DDX4: variants seen among roughly 807,000 people sequenced by gnomAD.
DDX4 encodes the protein DEAD-box helicase 4.
Under a neutral mutation model 100.0 loss-of-function variants are expected in DDX4, and 25 were observed. The observed-to-expected ratio is 0.25, with a 90% CI of 0.18 to 0.35. The LOEUF (loss-of-function observed/expected upper bound fraction) is 0.35, where lower values mean the gene tolerates loss of function less well. DDX4 is among the 10% of genes least tolerant of loss of function. The pLI, the probability that DDX4 is intolerant of heterozygous loss-of-function variation, is 1.00. For missense variants in DDX4, 635 were observed against 882.4 expected (o/e 0.72, Z 3.55); for synonymous variants, 259 against 275.7 (o/e 0.94, Z 0.60).
chr5:55,774,490 C>G (rs1741444394), intron 7 of DDX4, among the ~76,000 whole-genome samples: 1 of 152,112 alleles, frequency 6.6e-6, no homozygotes, highest in Non-Finnish European at 1.5e-5. Flanking sequence ...TGTCTTTTCC[C>G]TTTCTTGATA....
intron 18 of DDX4, among the ~76,000 whole-genome samples, chr5:55,808,532 A>G (rs1743899454): frequency 6.6e-6 from 1 of 152,180 alleles, no homozygotes; most frequent in African/African-American, 2.4e-5. Context: ...TTTTCCTTCT[A>G]ACAGTCAGCA....
At chr5:55,750,566 C>T (rs367990675) in intron 3 of DDX4, among the ~76,000 whole-genome samples, 2 of 152,142 alleles carry the variant, frequency 1.3e-5, no homozygotes, top group African/African-American at 4.8e-5. Context: ...CCCAAATCTT[C>T]CAACGTGATC....
At chr5:55,801,475 G>T (rs1359094250) in intron 18 of DDX4, among the ~76,000 whole-genome samples, 1 of 152,110 alleles carries the variant, frequency 6.6e-6, no homozygotes, top group Non-Finnish European at 1.5e-5. Flanking sequence ...AGAATCATTG[G>T]CATTGCTATC....
At chr5:55,794,244 A>G (rs1206498027) in intron 17 of DDX4, among the ~76,000 whole-genome samples, 2 of 150,742 alleles carry the variant, frequency 1.3e-5, no homozygotes, top group East Asian at 2.0e-4. Context: ...CTGGAGTGCA[A>G]TGGCGCGATC....
chr5:55,797,332 G>A (rs1743026212), intron 17 of DDX4, among the ~76,000 whole-genome samples: 1 of 152,036 alleles, frequency 6.6e-6, no homozygotes, highest in South Asian at 2.1e-4. Flanking sequence ...GGATCTCATA[G>A]GCTAACACCA....
intron 17 of DDX4, 150 bp from the exon 18 acceptor site, chr5:55,798,276 T>A: frequency 1.3e-6 from 1 of 763,896 alleles, no homozygotes; most frequent in Non-Finnish European, 2.0e-6. Flanking sequence ...TTCACAATAG[T>A]ACTTGGGTGA....
At chr5:55,788,217 A>G (rs550301475) in intron 15 of DDX4, among the ~76,000 whole-genome samples, 5 of 152,296 alleles carry the variant, frequency 3.3e-5, no homozygotes, top group African/African-American at 7.2e-5. Context: ...GCTCATGACT[A>G]TAATCCCAGT....
chr5:55,747,619 TCAG>T (rs917021902), intron 3 of DDX4, among the ~76,000 whole-genome samples: 1 of 152,192 alleles, frequency 6.6e-6, no homozygotes, highest in Non-Finnish European at 1.5e-5. Context: ...TGTGTACAGT[TCAG>T]CAGCATTCAG....
At position 55,803,371 on chromosome 5, in the gene DDX4, A is replaced by T. The variant is rs528185975; in HGVS notation, c.1615+4800A>T. 2.7e-3 allele frequency among the ~76,000 whole-genome samples: 413 copies of T among 150,228 alleles called. 1 individual carries two copies. Among genetic ancestry groups the T allele is most frequent in the Non-Finnish European group, 3.9e-3 (265 of 67,630 alleles). On this transcript the variant is annotated intron_variant, in intron 18 of 21. Transcript: ENST00000505374. ...TTAAGTTTTAGGGTACATGTGCACAATGTGCAGGTTAGTTACATATGTATA... is the reference window on the plus strand; with the variant it reads ...TTAAGTTTTAGGGTACATGTGCACATTGTGCAGGTTAGTTACATATGTATA...
At position 55,816,566 on chromosome 5, in the gene DDX4, G is replaced by A; in HGVS notation, c.*26G>A. On this transcript the variant is annotated 3_prime_UTR_variant, in exon 22 of 22. Coordinates refer to ENST00000505374, the MANE Select transcript of DDX4 (RefSeq NM_024415.3). ...AGCCAAAACATCCTTCAAGTCTGTG[G>A]TTTTGATGCAGAGAAGAAAATAGTT... 1.2e-6 allele frequency: 2 copies of A among 1,602,412 alleles called. No homozygotes were observed. Among genetic ancestry groups the A allele is most frequent in the Non-Finnish European group, 1.7e-6 (2 of 1,176,144 alleles).
At chr5:55,784,772 G>C (rs1490356051) in intron 10 of DDX4, among the ~76,000 whole-genome samples, 1 of 152,222 alleles carries the variant, frequency 6.6e-6, no homozygotes, top group African/African-American at 2.4e-5. Flanking sequence ...CTCTGGTAGA[G>C]TTTACATGTG....
chr5:55,786,204 C>T (rs1371128566), intron 13 of DDX4, among the ~76,000 whole-genome samples: 1 of 152,156 alleles, frequency 6.6e-6, no homozygotes, highest in African/African-American at 2.4e-5. Flanking sequence ...GGGGAGCCCT[C>T]TGTCTCCTAT....
intron 10 of DDX4, among the ~76,000 whole-genome samples, chr5:55,784,692 A>ATTATTACCTT (rs576388088): frequency 1.2e-3 from 177 of 152,342 alleles, no homozygotes; most frequent in African/African-American, 3.9e-3. Context: ...GAAGGTGAGT[A>ATTATTACCTT]CATTATTAGC....
At chr5:55,743,736 G>A (rs1759106103) in intron 2 of DDX4, among the ~76,000 whole-genome samples, 1 of 152,048 alleles carries the variant, frequency 6.6e-6, no homozygotes, top group Non-Finnish European at 1.5e-5. Context: ...AACCAGTTAA[G>A]CTTTTTTAAT....
chr5:55,768,939 A>G (rs1298638047), intron 7 of DDX4, among the ~76,000 whole-genome samples: 1 of 152,076 alleles, frequency 6.6e-6, no homozygotes, highest in African/African-American at 2.4e-5. Flanking sequence ...AAACGTGCCC[A>G]TGTCCATTGT....
intron 17 of DDX4, among the ~76,000 whole-genome samples, chr5:55,794,676 C>G (rs777963289): frequency 2.0e-5 from 3 of 152,126 alleles, no homozygotes; most frequent in Non-Finnish European, 4.4e-5. Context: ...TGTCGAGGAT[C>G]TTTTGTGAAT....
intron 6 of DDX4, among the ~76,000 whole-genome samples, chr5:55,767,395 T>C (rs1226294348): frequency 6.6e-6 from 1 of 152,168 alleles, no homozygotes; most frequent in Non-Finnish European, 1.5e-5. Flanking sequence ...TGAGCAGAGG[T>C]TGTGCCAGTG....
At position 55,746,389 on chromosome 5, in the gene DDX4, G is replaced by C. The variant is rs141231413; in HGVS notation, c.127+168G>C. Among the ~76,000 whole-genome samples the C allele has an allele frequency of 1.7e-3, 254 of 152,284 alleles. 1 individual carries two copies. The highest frequency in any genetic ancestry group is 5.9e-3 in the African/African-American group (245 of 41,560). ...GGAATGGGGGTACTTCTAGTTAGAG[G>C]AATTGAGAGAGGGAAAAGAATAGAC... On this transcript the variant is annotated intron_variant, in intron 3 of 21. Coordinates refer to ENST00000505374, the MANE Select transcript of DDX4 (RefSeq NM_024415.3).
intron 2 of DDX4, chr5:55,742,282 A>G (rs1168960183): frequency 3.5e-5 from 16 of 454,256 alleles, no homozygotes; most frequent in East Asian, 7.0e-5. Context: ...TCCGTTGCTT[A>G]CTTACTAGCT....
Sources: gnomAD v4.1 joint callset for allele counts (sites outside exome capture counted in the v4.1 genomes callset) on GRCh38, gnomAD v4.1.1 for gene constraint, MANE v1.5 for transcripts, NCBI Gene and HGNC (gene_info 2026-07-23, HGNC 2026-07-21) for gene names.